Variants in CAP2 observed in about 807,000 individuals in gnomAD.
CAP2 encodes cyclase associated actin cytoskeleton regulatory protein 2.
In CAP2, 24 loss-of-function variants were observed where a neutral mutation model predicts 57.7. The observed-to-expected ratio is 0.42, with a 90% CI of 0.30 to 0.58. The LOEUF (loss-of-function observed/expected upper bound fraction) is 0.58, where lower values mean the gene tolerates loss of function less well. Among genes scored for constraint, CAP2 ranks in the 20% least tolerant of loss-of-function variants. CAP2 has a pLI of 0.22. For synonymous variants in CAP2, 194 were observed against 207.2 expected (o/e 0.94, Z 0.55); for missense variants, 501 against 590.3 (o/e 0.85, Z 1.57).
At chr6:17,528,057 G>C (rs539273545) in intron 7 of CAP2, among the ~76,000 whole-genome samples, 1 of 152,230 alleles carries the variant, frequency 6.6e-6, no homozygotes, top group African/African-American at 2.4e-5. Flanking sequence ...ACCCATACAG[G>C]CATTCTGTTT....
intron 1 of CAP2, among the ~76,000 whole-genome samples, chr6:17,396,304 C>A (rs1035478248): frequency 1.3e-5 from 2 of 152,082 alleles, no homozygotes; most frequent in African/African-American, 4.8e-5. Flanking sequence ...AAATATATGT[C>A]CAAGAGAAAT....
intron 4 of CAP2, among the ~76,000 whole-genome samples, chr6:17,503,604 CAAAAAAAAAAA>C (rs763364878): frequency 6.8e-5 from 5 of 73,358 alleles, no homozygotes; most frequent in Admixed American, 1.6e-4. Flanking sequence ...AACTCTATCT[CAAAAAAAAAAA>C]AAAAAAAAAA....
intron 7 of CAP2, among the ~76,000 whole-genome samples, chr6:17,529,651 A>AATATAT (rs1554129488): frequency 4.0e-4 from 54 of 134,524 alleles, no homozygotes; most frequent in Middle Eastern, 3.7e-3. Context: ...AAAAAAAAAA[A>AATATAT]ATATATATAT....
chr6:17,542,394 C>T (rs1762927388), intron 9 of CAP2, among the ~76,000 whole-genome samples: 1 of 152,170 alleles, frequency 6.6e-6, no homozygotes, highest in African/African-American at 2.4e-5. Flanking sequence ...ATCTGGAGGG[C>T]TTCCCTAAAG....
At chr6:17,411,699 C>T (rs999167892) in intron 1 of CAP2, among the ~76,000 whole-genome samples, 4 of 152,184 alleles carry the variant, frequency 2.6e-5, no homozygotes, top group Non-Finnish European at 5.9e-5. Flanking sequence ...GGGAGTAACA[C>T]ATTTACTTGA....
chr6:17,507,695 A>G lies in CAP2; in HGVS notation c.499A>G (p.Thr167Ala). 2 of 1,608,944 alleles carry G rather than the reference A, an allele frequency of 1.2e-6. No homozygotes were observed. The highest frequency in any genetic ancestry group is 2.2e-5 in the South Asian group (2 of 90,948). The change falls in exon 6 of 13, where the codon ACT becomes GCT. Residue 167 changes from threonine (T) to alanine (A), a missense_variant. Coordinates refer to ENST00000229922, the MANE Select transcript of CAP2 (RefSeq NM_006366.3). ...GATGAATGACGCTGCCACCTTTTACACTAACAGGGTCTTAAAGGACTACAA... is the reference window on the plus strand; with the variant it reads ...GATGAATGACGCTGCCACCTTTTACGCTAACAGGGTCTTAAAGGACTACAA... ...KEMNDAATFY[T>A]NRVLKDYKHS...
At chr6:17,472,867 T>C (rs1021855965) in intron 4 of CAP2, among the ~76,000 whole-genome samples, 2 of 152,166 alleles carry the variant, frequency 1.3e-5, no homozygotes, top group Admixed American at 1.3e-4. Flanking sequence ...AAGAGAGTAA[T>C]TCTGTCATTC....
intron 1 of CAP2, among the ~76,000 whole-genome samples, chr6:17,416,203 A>T (rs1759272172): frequency 6.9e-6 from 1 of 144,920 alleles, no homozygotes; most frequent in South Asian, 2.3e-4. Flanking sequence ...GGGCAGAGGA[A>T]AATGAAATGT....
intron 3 of CAP2, among the ~76,000 whole-genome samples, chr6:17,440,155 A>G (rs1190109238): frequency 6.6e-6 from 1 of 151,634 alleles, no homozygotes; most frequent in Non-Finnish European, 1.5e-5. Flanking sequence ...CAAAATCAGG[A>G]TATGTCTCTC....
chr6:17,507,035 G>C lies in CAP2; in HGVS notation c.301-134G>C, dbSNP rs543780757. On this transcript the variant is annotated intron_variant, in intron 4 of 12. Transcript: ENST00000229922. ...AGAACAAATGCATGCTGTTCTCAAA[G>C]ATGATTATATGTTTCTTTTAGACCC... 1.9e-4 allele frequency: 157 copies of C among 828,372 alleles called. 1 individual carries two copies. In the Admixed American group the frequency reaches 2.3e-3, roughly 12 times the overall value. 51.3% of individuals were successfully genotyped at this position (828,372 alleles called of 1,614,324 possible). A position where few individuals can be genotyped will look rare whatever the true frequency, so the allele number is the denominator to read the frequency against.
At chr6:17,414,964 G>C (rs1007315290) in intron 1 of CAP2, among the ~76,000 whole-genome samples, 1 of 152,168 alleles carries the variant, frequency 6.6e-6, no homozygotes, top group African/African-American at 2.4e-5. Flanking sequence ...GCATGAGATG[G>C]TATCTCATTG....
At chr6:17,447,602 A>G (rs984043416) in intron 3 of CAP2, among the ~76,000 whole-genome samples, 3 of 152,194 alleles carry the variant, frequency 2.0e-5, no homozygotes, top group Non-Finnish European at 2.9e-5. Flanking sequence ...GGGTTCAAGC[A>G]ATTGTCCTGC....
At chr6:17,502,714 T>C (rs1288117363) in intron 4 of CAP2, among the ~76,000 whole-genome samples, 2 of 152,206 alleles carry the variant, frequency 1.3e-5, no homozygotes, top group Admixed American at 6.5e-5. Flanking sequence ...ATGTTATAAA[T>C]ATACAGTTTC....
intron 1 of CAP2, among the ~76,000 whole-genome samples, chr6:17,416,716 A>C (rs1032811158): frequency 1.3e-5 from 2 of 152,224 alleles, no homozygotes; most frequent in Non-Finnish European, 2.9e-5. Flanking sequence ...AAAATTATTG[A>C]AAATGGTTAG....
intron 7 of CAP2, among the ~76,000 whole-genome samples, chr6:17,530,213 G>A (rs1762609735): frequency 1.3e-5 from 2 of 151,956 alleles, no homozygotes; most frequent in African/African-American, 2.4e-5. Flanking sequence ...CCAGGTAGCT[G>A]AGACCACAGG....
intron 9 of CAP2, 136 bp downstream of exon 9, chr6:17,541,284 G>A (rs926755600): frequency 1.6e-6 from 1 of 638,420 alleles, no homozygotes; most frequent in Admixed American, 3.0e-5. Flanking sequence ...ATATATTTAT[G>A]GGGTACCTGT....
intron 7 of CAP2, among the ~76,000 whole-genome samples, chr6:17,521,899 A>G (rs1475414845): frequency 2.0e-5 from 3 of 152,120 alleles, no homozygotes; most frequent in South Asian, 2.1e-4. Context: ...ACCTAAGGTC[A>G]GGAGTTCGAG....
intron 11 of CAP2, among the ~76,000 whole-genome samples, chr6:17,550,501 A>G (rs931270492): frequency 1.4e-5 from 2 of 142,006 alleles, no homozygotes; most frequent in Admixed American, 1.5e-4. Flanking sequence ...TGACCTGGCC[A>G]GACTCCCCAC....
At chr6:17,499,881 A>ATAAG (rs56363924) in intron 4 of CAP2, among the ~76,000 whole-genome samples, 1 of 151,472 alleles carries the variant, frequency 6.6e-6, no homozygotes, top group Non-Finnish European at 1.5e-5. Context: ...AAATAAATAA[A>ATAAG]AGCAAATATA....
Sources: gnomAD v4.1 joint callset for allele counts (sites outside exome capture counted in the v4.1 genomes callset) on GRCh38, gnomAD v4.1.1 for gene constraint, MANE v1.5 for transcripts, NCBI Gene and HGNC (gene_info 2026-07-23, HGNC 2026-07-21) for gene names.